The following ETV1 variants were observed in gnomAD, a reference collection of about 807,000 sequenced individuals.
ETV1 encodes ETS translocation variant 1.
A neutral mutation model predicts 62.3 loss-of-function variants in ETV1; 27 were observed. That is an observed-to-expected ratio of 0.43 (90% CI 0.32 to 0.60). The LOEUF (loss-of-function observed/expected upper bound fraction) is 0.60, where lower values mean the gene tolerates loss of function less well. Ranked by LOEUF, ETV1 falls within the 20% of genes least tolerant of loss-of-function variation. ETV1 has a pLI of 0.06. For synonymous variants in ETV1, 222 were observed against 199.6 expected, an observed-to-expected ratio of 1.11 and a Z score of -0.94; for missense variants, 605 against 605.8, an observed-to-expected ratio of 1.00 and a Z score of 0.01.
At chr7:13,978,506 G>T (rs1781670636) in intron 5 of ETV1, among the ~76,000 whole-genome samples, 1 of 151,866 alleles carries the variant, frequency 6.6e-6, no homozygotes, top group African/African-American at 2.4e-5. Context: ...CATTTGACTA[G>T]GTAGTATTAC....
chr7:13,954,926 C>T (rs1273417610), intron 6 of ETV1, among the ~76,000 whole-genome samples: 1 of 152,094 alleles, frequency 6.6e-6, no homozygotes, highest in Admixed American at 6.6e-5. Context: ...AAAAAAAGTA[C>T]CTTTCAGTAA....
Position 13,892,060 on chromosome 7 carries a change from A to T in ETV1, c.*3806T>A. ...ATATTTCTTTCCTGGTTATATAAAG[A>T]TAAGTTGACTCATTTTGCAATTGTT... On this transcript the variant is annotated 3_prime_UTR_variant, in exon 14 of 14. Transcript: ENST00000430479. 1 of 232,258 alleles carries T rather than the reference A, an allele frequency of 4.3e-6. No individual in the cohort carries two copies. The allele number at this position is 232,258 out of a possible 1,614,324, so 14.4% of individuals were successfully genotyped here.
chr7:13,952,745 TAAAGA>T (rs1788980552), intron 6 of ETV1, among the ~76,000 whole-genome samples: 2 of 152,112 alleles, frequency 1.3e-5, no homozygotes, highest in African/African-American at 4.8e-5. Flanking sequence ...AGTATATTAA[TAAAGA>T]AAAGGTAGAA....
At chr7:13,940,712 G>T (rs1182297052) in intron 6 of ETV1, among the ~76,000 whole-genome samples, 1 of 152,134 alleles carries the variant, frequency 6.6e-6, no homozygotes, top group Non-Finnish European at 1.5e-5. Context: ...GATGTCATTT[G>T]TCATTCAATC....
At chr7:13,953,778 C>T (rs1227115587) in intron 6 of ETV1, among the ~76,000 whole-genome samples, 1 of 152,026 alleles carries the variant, frequency 6.6e-6, no homozygotes, top group Non-Finnish European at 1.5e-5. Context: ...CCTCTGTAGG[C>T]AATCTGTATA....
intron 12 of ETV1, among the ~76,000 whole-genome samples, chr7:13,901,091 G>A (rs951069212): frequency 6.7e-6 from 1 of 150,094 alleles, no homozygotes; most frequent in East Asian, 2.0e-4. Context: ...TGCAACCTCC[G>A]CCTCCTGTGT....
At chr7:13,904,701 G>A (rs575895324) in intron 12 of ETV1, among the ~76,000 whole-genome samples, 3 of 151,968 alleles carry the variant, frequency 2.0e-5, no homozygotes, top group African/African-American at 7.3e-5. Context: ...CCTGTAGAAA[G>A]TGCTCAGTTC....
chr7:13,911,793 T>G (rs1334322673), intron 9 of ETV1, among the ~76,000 whole-genome samples: 2 of 152,254 alleles, frequency 1.3e-5, no homozygotes, highest in Non-Finnish European at 2.9e-5. Flanking sequence ...TGAAGTATTA[T>G]GAAGCATATA....
At chr7:13,934,977 C>A (rs1466162553) in intron 8 of ETV1, among the ~76,000 whole-genome samples, 1 of 152,176 alleles carries the variant, frequency 6.6e-6, no homozygotes, top group African/African-American at 2.4e-5. Flanking sequence ...TGTATATAAG[C>A]AACCTGATTT....
intron 6 of ETV1, 103 bp downstream of exon 6, chr7:13,977,324 A>G (rs1458026463): frequency 2.7e-6 from 2 of 731,814 alleles, no homozygotes; most frequent in African/African-American, 1.8e-5. Flanking sequence ...TGCTGGTACA[A>G]TGTAAGACAA....
chr7:13,891,596 G>C lies in ETV1; in HGVS notation c.*4270C>G, dbSNP rs1781386369. On this transcript the variant is annotated 3_prime_UTR_variant, in exon 14 of 14. Coordinates refer to ENST00000430479, the MANE Select transcript of ETV1 (RefSeq NM_004956.5). ...CTGTTTTTTTTTTAAGTATGTCAAA[G>C]TGAGTCTCATGTATATAAAAAAAGA... is the stretch of plus-strand genomic sequence containing the variant. The C allele has an allele frequency of 4.3e-6, 1 of 231,132 alleles. No homozygotes were observed. The highest frequency in any genetic ancestry group is 1.8e-4 in the South Asian group (1 of 5,502). The allele number at this position is 231,132 out of a possible 1,614,324, so 14.3% of individuals were successfully genotyped here. A position where few individuals can be genotyped will look rare whatever the true frequency, so the allele number is the denominator to read the frequency against.
At chr7:13,966,603 T>C (rs755042490) in intron 6 of ETV1, among the ~76,000 whole-genome samples, 1 of 152,012 alleles carries the variant, frequency 6.6e-6, no homozygotes. Context: ...GCTGAGATCA[T>C]GCCACTGCAC....
intron 6 of ETV1, among the ~76,000 whole-genome samples, chr7:13,969,909 G>T (rs1166811965): frequency 6.6e-6 from 1 of 152,016 alleles, no homozygotes; most frequent in Non-Finnish European, 1.5e-5. Flanking sequence ...GCAGGAACGG[G>T]GAATAATTTT....
intron 9 of ETV1, among the ~76,000 whole-genome samples, chr7:13,921,039 T>C (rs930332422): frequency 1.3e-5 from 2 of 152,284 alleles, no homozygotes; most frequent in Admixed American, 1.3e-4. Flanking sequence ...TCTTTGGATA[T>C]TGAGAAAGAG....
rs2128395138 is a variant in ETV1 at position 13,892,487 on chromosome 7, G to C, written c.*3379C>G. On this transcript the variant is annotated 3_prime_UTR_variant, in exon 14 of 14. Transcript: ENST00000430479. The stretch of plus-strand genomic sequence containing the variant: ...CTCAGCAGAACTCCACTGTTCCTGA[G>C]TAAATCAATTAGAGTCTTTGCTACA... The C allele has an allele frequency of 4.3e-6, 1 of 232,966 alleles. No homozygotes were observed. The highest frequency in any genetic ancestry group is 8.5e-6 in the Non-Finnish European group (1 of 117,892). 14.4% of individuals were successfully genotyped at this position (232,966 alleles called of 1,614,324 possible).
intron 6 of ETV1, among the ~76,000 whole-genome samples, chr7:13,974,605 G>A (rs1233273216): frequency 6.6e-6 from 1 of 152,184 alleles, no homozygotes; most frequent in African/African-American, 2.4e-5. Context: ...AATGAAATAG[G>A]GATGAAGGAG....
chr7:13,916,011 TGGA>T (rs879786597), intron 9 of ETV1, among the ~76,000 whole-genome samples: 3,282 of 150,874 alleles, frequency 0.022, 69 homozygotes, highest in Middle Eastern at 0.07. Context: ...GTTACTGAAC[TGGA>T]TGCGAATGTA....
chr7:13,941,286 GTC>G (rs1306077277), intron 6 of ETV1, among the ~76,000 whole-genome samples: 2 of 152,120 alleles, frequency 1.3e-5, no homozygotes, highest in African/African-American at 4.8e-5. Context: ...ATAATTTAAT[GTC>G]TGTTAATTTT....
chr7:13,967,206 T>C (rs1780381587), intron 6 of ETV1, among the ~76,000 whole-genome samples: 1 of 152,014 alleles, frequency 6.6e-6, no homozygotes, highest in Non-Finnish European at 1.5e-5. Context: ...TAAAAGATAA[T>C]TAAAGGGTCC....
Sources: gnomAD v4.1 joint callset for allele counts (sites outside exome capture counted in the v4.1 genomes callset) on GRCh38, gnomAD v4.1.1 for gene constraint, MANE v1.5 for transcripts, NCBI Gene and HGNC (gene_info 2026-07-23, HGNC 2026-07-21) for gene names.